SEMA3A: variants seen among roughly 807,000 people sequenced by gnomAD.
The protein encoded by SEMA3A is semaphorin-3A.
In SEMA3A, 29 loss-of-function variants were observed where a neutral mutation model predicts 97.9. The observed-to-expected ratio is 0.30, with a 90% CI of 0.22 to 0.40. SEMA3A has a LOEUF of 0.40. SEMA3A is among the 10% of genes least tolerant of loss of function. The pLI is 1.00. For missense variants in SEMA3A, 763 were observed against 951.3 expected, an observed-to-expected ratio of 0.80 and a Z score of 2.60; for synonymous variants, 321 against 323.7, an observed-to-expected ratio of 0.99 and a Z score of 0.09.
At chr7:84,322,942 A>G (rs1352268171) in intron 2 of SEMA3A, among the ~76,000 whole-genome samples, 1 of 151,812 alleles carries the variant, frequency 6.6e-6, no homozygotes, top group Non-Finnish European at 1.5e-5. Context: ...GTAGAGCCAC[A>G]CTGCCTAGAT....
rs1800058627 is a variant in SEMA3A, at chr7:84,268,280, TGTGTGTG to T, written c.-83+38920_-83+38926del. Among the ~76,000 whole-genome samples, 5 of 151,568 alleles carry T rather than the reference TGTGTGTG, an allele frequency of 3.3e-5. 1 individual carries two copies. The highest frequency in any genetic ancestry group is 1.2e-4 in the African/African-American group (5 of 41,326). ...GTGTGTGTGTGTGTGTGTGTGTGTGTGTGTGTGTGTGTGTGCAGGTGCTCTGAGAGAG... is the reference window on the plus strand; with the variant it reads ...GTGTGTGTGTGTGTGTGTGTGTGTGTTGTGTGTGCAGGTGCTCTGAGAGAG... On this transcript the variant is annotated intron_variant, in intron 3 of 3. Coordinates refer to the SEMA3A transcript ENST00000424555.
At chr7:84,405,871 C>A (rs1405905826) in intron 1 of SEMA3A, among the ~76,000 whole-genome samples, 2 of 152,050 alleles carry the variant, frequency 1.3e-5, no homozygotes, top group African/African-American at 4.8e-5. Flanking sequence ...ACACAACATA[C>A]CAGAATCTCT....
chr7:84,206,366 A>G (rs1033142024), intron 3 of SEMA3A, among the ~76,000 whole-genome samples: 66 of 137,242 alleles, frequency 4.8e-4, no homozygotes, highest in African/African-American at 1.7e-3. Context: ...TCTGTCGCCC[A>G]GGCTGGAGTG....
intron 1 of SEMA3A, among the ~76,000 whole-genome samples, chr7:84,473,631 C>T (rs1178980736): frequency 1.3e-5 from 2 of 151,860 alleles, no homozygotes; most frequent in Non-Finnish European, 2.9e-5. Flanking sequence ...TCTAGTTAGC[C>T]ACCCTCCTCG....
chr7:83,977,390 C>T (rs1415713260), intron 14 of SEMA3A, among the ~76,000 whole-genome samples, 194 bp from the exon 15 acceptor site: 1 of 151,736 alleles, frequency 6.6e-6, no homozygotes, highest in Non-Finnish European at 1.5e-5. Flanking sequence ...GAGCAGTCTC[C>T]AAGATGATCA....
chr7:84,206,458 G>A (rs981543517), intron 3 of SEMA3A, among the ~76,000 whole-genome samples: 1 of 151,928 alleles, frequency 6.6e-6, no homozygotes, highest in African/African-American at 2.4e-5. Flanking sequence ...AAGTAGCTGG[G>A]ACTATAGGCG....
chr7:84,208,321 G>A (rs370958558), intron 3 of SEMA3A, among the ~76,000 whole-genome samples: 22 of 151,788 alleles, frequency 1.4e-4, no homozygotes, highest in African/African-American at 2.4e-4. Context: ...GTGTGGTGGC[G>A]GGCGCCTGTA....
intron 1 of SEMA3A, among the ~76,000 whole-genome samples, chr7:84,145,145 A>C (rs1796425937): frequency 6.6e-6 from 1 of 152,136 alleles, no homozygotes; most frequent in Admixed American, 6.6e-5. Flanking sequence ...CTGCTTAGGT[A>C]AATTTATTCA....
chr7:84,160,009 A>G (rs1796975408), intron 1 of SEMA3A, among the ~76,000 whole-genome samples: 1 of 152,182 alleles, frequency 6.6e-6, no homozygotes, highest in South Asian at 2.1e-4. Flanking sequence ...AGGCAAAAAT[A>G]CCATAAGTTG....
At position 83,956,016 on chromosome 7, in the gene SEMA3A, T is replaced by A. The variant is rs1788272164; in HGVS notation, c.*5355A>T. On this transcript the variant is annotated 3_prime_UTR_variant, in exon 17 of 17. Transcript: ENST00000265362. The stretch of plus-strand genomic sequence containing the variant: ...AAAACATGACAGATTAATACAACGG[T>A]GGTGCGGGGTTGACATATTCAAGAT... 1 of 152,158 alleles carries A rather than the reference T, an allele frequency of 6.6e-6. No individual in the cohort carries two copies. Among genetic ancestry groups the A allele is most frequent in the Non-Finnish European group, 1.5e-5 (1 of 68,016 alleles). 9.4% of individuals were successfully genotyped at this position (152,158 alleles called of 1,614,324 possible).
At chr7:84,021,074 G>C (rs1176786475) in intron 6 of SEMA3A, among the ~76,000 whole-genome samples, 1 of 152,116 alleles carries the variant, frequency 6.6e-6, no homozygotes, top group African/African-American at 2.4e-5. Flanking sequence ...CACGATTTTG[G>C]CTCCCAAGTT....
intron 12 of SEMA3A, among the ~76,000 whole-genome samples, chr7:83,986,950 TTCTCTCA>T (rs1054999985): frequency 1.0e-4 from 14 of 136,250 alleles, no homozygotes; most frequent in Middle Eastern, 7.6e-3. Context: ...CTTTCCTCTC[TTCTCTCA>T]TCTCTCTCTC....
chr7:84,015,993 A>G (rs1791083180), intron 6 of SEMA3A, among the ~76,000 whole-genome samples: 1 of 152,180 alleles, frequency 6.6e-6, no homozygotes, highest in African/African-American at 2.4e-5. Flanking sequence ...CAATAATACA[A>G]TACTCTAACC....
At chr7:84,433,310 A>C (rs538340732) in intron 1 of SEMA3A, among the ~76,000 whole-genome samples, 3 of 145,884 alleles carry the variant, frequency 2.1e-5, no homozygotes, top group Admixed American at 7.1e-5. Flanking sequence ...CTCACTTATG[A>C]GTGAGAACAT....
At position 83,993,325 on chromosome 7, in the gene SEMA3A, A is replaced by C. The variant is rs1346278527; in HGVS notation, c.1453-7848T>G. Among the ~76,000 whole-genome samples, 566 of 146,148 alleles carry C rather than the reference A, an allele frequency of 3.9e-3. 5 individuals are homozygous for C. Among genetic ancestry groups the C allele is most frequent in the African/African-American group, 0.014 (528 of 38,034 alleles). ...ATTTAGTCCATTTACATTTAAAGTT[A>C]ATATTGTTATGTGTGAATTTGATCC... On this transcript the variant is annotated intron_variant, in intron 12 of 16. Coordinates refer to ENST00000265362, the MANE Select transcript of SEMA3A (RefSeq NM_006080.3).
chr7:84,027,974 T>C (rs542025510), intron 6 of SEMA3A, among the ~76,000 whole-genome samples: 2 of 152,338 alleles, frequency 1.3e-5, no homozygotes, highest in African/African-American at 2.4e-5. Flanking sequence ...AAGTGTGTTA[T>C]TGACGTCATC....
At chr7:84,164,261 T>TA (rs1328090652) in intron 1 of SEMA3A, among the ~76,000 whole-genome samples, 1 of 152,210 alleles carries the variant, frequency 6.6e-6, no homozygotes, top group African/African-American at 2.4e-5. Flanking sequence ...AATTTATCAC[T>TA]AAATGCATTG....
At chr7:84,157,831 A>G (rs1164619074) in intron 1 of SEMA3A, among the ~76,000 whole-genome samples, 1 of 152,138 alleles carries the variant, frequency 6.6e-6, no homozygotes, top group African/African-American at 2.4e-5. Flanking sequence ...ATTTGACTAC[A>G]GCACTCAATG....
intron 1 of SEMA3A, among the ~76,000 whole-genome samples, chr7:84,462,361 A>C (rs1039884123): frequency 6.6e-6 from 1 of 152,172 alleles, no homozygotes; most frequent in Non-Finnish European, 1.5e-5. Context: ...AAATGACAAA[A>C]TTTTACATAT....
Sources: allele counts gnomAD v4.1 joint callset (sites outside exome capture counted in the v4.1 genomes callset), GRCh38; gene constraint gnomAD v4.1.1; transcripts MANE v1.5; gene names NCBI Gene and HGNC (gene_info 2026-07-23, HGNC 2026-07-21).